Variants in PPP1R9B observed in about 807,000 individuals in gnomAD.
PPP1R9B encodes the protein neurabin-2.
PPP1R9B carries 17 observed loss-of-function variants against 75.8 expected under a neutral mutation model. That is an observed-to-expected ratio of 0.22 (90% CI 0.15 to 0.34). The LOEUF is 0.34. Ranked by LOEUF, PPP1R9B falls within the 10% of genes least tolerant of loss-of-function variation. The probability of loss-of-function intolerance (pLI) is 1.00; values close to 1 mark genes in which losing one functional copy is unlikely to be tolerated. For missense variants in PPP1R9B, 875 were observed against 1,196.0 expected (o/e 0.73, Z 3.96); for synonymous variants, 509 against 535.4 (o/e 0.95, Z 0.68).
intron 1 of PPP1R9B, among the ~76,000 whole-genome samples, chr17:50,147,655 G>T (rs1330959733): frequency 6.6e-6 from 1 of 152,190 alleles, no homozygotes; most frequent in Non-Finnish European, 1.5e-5. Context: ...AATTAGTGGG[G>T]GTGGGGTGGG....
At chr17:50,141,646 G>C (rs1463103885) in intron 3 of PPP1R9B, among the ~76,000 whole-genome samples, 1 of 139,726 alleles carries the variant, frequency 7.2e-6, no homozygotes, top group Non-Finnish European at 1.5e-5. Context: ...CTGGGCAACA[G>C]AGTAAGACCC....
intron 1 of PPP1R9B, among the ~76,000 whole-genome samples, chr17:50,147,326 G>A (rs1273876702): frequency 6.6e-6 from 1 of 152,244 alleles, no homozygotes; most frequent in African/African-American, 2.4e-5. Context: ...CCTCCAGAAG[G>A]GCAACAATTG....
chr17:50,141,671 A>AC (rs951811177), intron 3 of PPP1R9B, among the ~76,000 whole-genome samples: 1 of 151,638 alleles, frequency 6.6e-6, no homozygotes, highest in Non-Finnish European at 1.5e-5. Context: ...TCAAAAAAAA[A>AC]AAAAAACAAA....
In PPP1R9B at chr17:50,143,546, T is replaced by C. The variant is rs1912440632; in HGVS notation, c.1625+52A>G. ...GCTCAGTGGCCCACCCCACCAAGGATGGCCGGTCGGAGAGGGAAAAAGGGT... is the reference window on the plus strand; with the variant it reads ...GCTCAGTGGCCCACCCCACCAAGGACGGCCGGTCGGAGAGGGAAAAAGGGT... On this transcript the variant is annotated intron_variant, in intron 3 of 9. Transcript: ENST00000612501. 4 of 1,597,254 alleles carry C rather than the reference T, an allele frequency of 2.5e-6. No homozygotes were observed. The South Asian group carries it at 4.4e-5, about 18-fold the overall frequency.
At chr17:50,136,699 G>T (rs959663023) in intron 7 of PPP1R9B, among the ~76,000 whole-genome samples, 1 of 152,068 alleles carries the variant, frequency 6.6e-6, no homozygotes, top group Non-Finnish European at 1.5e-5. Context: ...GCTTCCAGGT[G>T]ACCCCAGCGC....
In PPP1R9B at chr17:50,139,187, G is replaced by A; in HGVS notation, c.2073+76C>T. 2 of 1,527,020 alleles carry A rather than the reference G, an allele frequency of 1.3e-6. No individual in the cohort carries two copies. The highest frequency in any genetic ancestry group is 9.1e-7 in the Non-Finnish European group (1 of 1,100,784). The allele number at this position is 1,527,020 out of a possible 1,614,324, so 94.6% of individuals were successfully genotyped here. A position where few individuals can be genotyped will look rare whatever the true frequency, so the allele number is the denominator to read the frequency against. On this transcript the variant is annotated intron_variant, in intron 7 of 9. Transcript: ENST00000612501. This position sits in a 1 kb window ranked among gnomAD's most constrained non-coding sequence, Gnocchi z 5.0. ...CTGTGCCTAAGTGTCAGCATGTGCAGGTGTGAGGGTAGGGGGACCCTGCTC... is the reference window on the plus strand; with the variant it reads ...CTGTGCCTAAGTGTCAGCATGTGCAAGTGTGAGGGTAGGGGGACCCTGCTC...
At position 50,149,494 on chromosome 17, in the gene PPP1R9B, G is replaced by T; in HGVS notation, c.1020C>A (p.Ser340Arg). The T allele has an allele frequency of 6.3e-7, 1 of 1,597,362 alleles. No individual in the cohort carries two copies. Among genetic ancestry groups the T allele is most frequent in the Non-Finnish European group, 8.5e-7 (1 of 1,173,332 alleles). Reference sequence around the variant, plus strand: ...GGGCCTTTGGCTCCTCGGGCGCGGGGCTGGCTGCAGTTGCCACGGTGCTGC... The same window carrying T: ...GGGCCTTTGGCTCCTCGGGCGCGGGTCTGGCTGCAGTTGCCACGGTGCTGC... ...ENGSTVATAA[S>R]PAPEEPKAQA... The change falls in exon 1 of 10, where the codon AGC becomes AGA. Residue 340 changes from serine (S) to arginine (R), a missense_variant. By Grantham distance (110) the Ser-to-Arg change is moderately radical (BLOSUM62 -1). Coordinates refer to ENST00000612501, the MANE Select transcript of PPP1R9B (RefSeq NM_032595.5). This position sits in a 1 kb window ranked among gnomAD's most constrained non-coding sequence, Gnocchi z 7.2.
intron 7 of PPP1R9B, among the ~76,000 whole-genome samples, chr17:50,137,864 T>A (rs935648775): frequency 6.6e-6 from 1 of 152,076 alleles, no homozygotes; most frequent in African/African-American, 2.4e-5. Context: ...CCAAGCTCCA[T>A]GGAGCTCCTC....
Position 50,150,019 on chromosome 17 carries a change from GGCCTCCTTGTCGCCGCCTGCGGCC to G in PPP1R9B, c.471_494del (p.Gly160_Ala167del). 1 of 1,482,084 alleles carries G rather than the reference GGCCTCCTTGTCGCCGCCTGCGGCC, an allele frequency of 6.7e-7. No individual in the cohort carries two copies. The highest frequency in any genetic ancestry group is 8.9e-7 in the Non-Finnish European group (1 of 1,126,138). The allele number at this position is 1,482,084 out of a possible 1,614,324, so 91.8% of individuals were successfully genotyped here. A position where few individuals can be genotyped will look rare whatever the true frequency, so the allele number is the denominator to read the frequency against. ...CCTGCCTCAGCAGCCGCCGCGCCGC[GGCCTCCTTGTCGCCGCCTGCGGCC>G]GCTGGGGCGCTCCGTTCGAACAGCT... On this transcript the variant is annotated inframe_deletion, in exon 1 of 10. Transcript: ENST00000612501. The surrounding 1 kb of genome is among the most constrained non-coding windows in gnomAD (Gnocchi z 8.7).
At chr17:50,147,677 T>G (rs1458211029) in intron 1 of PPP1R9B, among the ~76,000 whole-genome samples, 1 of 151,858 alleles carries the variant, frequency 6.6e-6, no homozygotes, top group Non-Finnish European at 1.5e-5. Flanking sequence ...GGATCCAAAC[T>G]CTGCTTCAGA....
At position 50,150,009 on chromosome 17, in the gene PPP1R9B, G is replaced by A. The variant is rs770752554; in HGVS notation, c.505C>T (p.Arg169Trp). 12 of 1,487,120 alleles carry A rather than the reference G, an allele frequency of 8.1e-6. No homozygotes were observed. Among genetic ancestry groups the A allele is most frequent in the Non-Finnish European group, 1.1e-5 (12 of 1,128,622 alleles). The allele number at this position is 1,487,120 out of a possible 1,614,324, so 92.1% of individuals were successfully genotyped here. ...CCGGCGCGCTCCTGCCTCAGCAGCC[G>A]CCGCGCCGCGGCCTCCTTGTCGCCG... Reference protein sequence around the residue: ...AGGDKEAAARRLLRQERAGLQ... With the variant: ...AGGDKEAAARWLLRQERAGLQ... Residue 169 changes from arginine to tryptophan, a missense_variant, in exon 1 of 10, where the codon CGG becomes TGG. Around this residue, in one of 4 missense-constraint regions of PPP1R9B, gnomAD observed 449 missense variants for 475.0 expected, o/e 0.95. Coordinates refer to ENST00000612501, the MANE Select transcript of PPP1R9B (RefSeq NM_032595.5). This position sits in a 1 kb window ranked among gnomAD's most constrained non-coding sequence, Gnocchi z 8.7.
At chr17:50,138,428 G>A (rs1912285739) in intron 7 of PPP1R9B, among the ~76,000 whole-genome samples, 1 of 151,830 alleles carries the variant, frequency 6.6e-6, no homozygotes. Context: ...TAGAGTGGGT[G>A]TCTCTATGTG....
At chr17:50,145,067 GT>G in intron 2 of PPP1R9B, 45 bp downstream of exon 2, 1 of 1,604,370 alleles carries the variant, frequency 6.2e-7, no homozygotes, top group Admixed American at 1.7e-5. Context: ...TGAGACCCGG[GT>G]CAACCCCAGC....
Position 50,143,641 on chromosome 17 carries a change from C to T in PPP1R9B, c.1582G>A (p.Val528Ile), listed in dbSNP as rs367543186. ...DMGLEKLGIF[V>I]KTVTEGGAAH... ...GCACCACCCTCCGTCACGGTCTTGA[C>T]GAAGATACCCAGCTTCTCCAGGCCC... The change falls in exon 3 of 10, where the codon GTC becomes ATC. Residue 528 changes from valine to isoleucine, a missense_variant. By Grantham distance (29) the Val-to-Ile change is conservative. Transcript: ENST00000612501. 2.5e-6 allele frequency: 4 copies of T among 1,614,040 alleles called. No homozygotes were observed. The South Asian group carries it at 3.3e-5, about 13-fold the overall frequency.
rs1912326945 is a variant in PPP1R9B, at chr17:50,139,986, T to C, written c.1866+107A>G. On this transcript the variant is annotated intron_variant, in intron 5 of 9. Transcript: ENST00000612501. The surrounding 1 kb of genome is among the most constrained non-coding windows in gnomAD (Gnocchi z 5.0). Reference sequence around the variant, plus strand: ...GTGACTGGAGGACAGGGAATGGCACTGTGGGCTTTTTACTAGGGCAGGGGA... The same window carrying C: ...GTGACTGGAGGACAGGGAATGGCACCGTGGGCTTTTTACTAGGGCAGGGGA... 4.0e-6 allele frequency: 5 copies of C among 1,254,444 alleles called. No individual in the cohort carries two copies. Among genetic ancestry groups the C allele is most frequent in the South Asian group, 2.9e-5 (2 of 68,348 alleles). The allele number at this position is 1,254,444 out of a possible 1,614,324, so 77.7% of individuals were successfully genotyped here. A position where few individuals can be genotyped will look rare whatever the true frequency, so the allele number is the denominator to read the frequency against.
intron 4 of PPP1R9B, 60 bp from the exon 5 acceptor site, chr17:50,140,288 C>T (rs1912340884): frequency 6.5e-7 from 1 of 1,536,376 alleles, no homozygotes. Context: ...GCATCATCCT[C>T]CCTGCTGATG....
intron 2 of PPP1R9B, 126 bp from the exon 3 acceptor site, chr17:50,143,844 G>A (rs1912449460): frequency 1.5e-6 from 2 of 1,317,006 alleles, no homozygotes; most frequent in African/African-American, 1.4e-5. Context: ...TCCCACAACT[G>A]AAGAAGGGAT....
intron 4 of PPP1R9B, 104 bp from the exon 5 acceptor site, chr17:50,140,332 G>C: frequency 7.1e-7 from 1 of 1,410,384 alleles, no homozygotes; most frequent in Non-Finnish European, 9.5e-7. Flanking sequence ...TCCCAGGGGA[G>C]GAGAGATGAG....
At chr17:50,138,629 T>C (rs1912291560) in intron 7 of PPP1R9B, among the ~76,000 whole-genome samples, 1 of 152,194 alleles carries the variant, frequency 6.6e-6, no homozygotes, top group Non-Finnish European at 1.5e-5. Flanking sequence ...CTGACTTTTT[T>C]TTCTTTTGAC....
Sources: gnomAD v4.1 joint callset for allele counts (sites outside exome capture counted in the v4.1 genomes callset) on GRCh38, gnomAD v4.1.1 for gene constraint, gnomAD v4.1.1 regional missense constraint, Gnocchi (gnomAD v3.1) non-coding constraint, MANE v1.5 for transcripts, NCBI Gene and HGNC (gene_info 2026-07-23, HGNC 2026-07-21) for gene names.